The following HMGCLL1 variants were observed in gnomAD, a reference collection of about 807,000 sequenced individuals.
The protein encoded by HMGCLL1 is 3-hydroxy-3-methylglutaryl-CoA lyase like 1.
Under a neutral mutation model 39.1 loss-of-function variants are expected in HMGCLL1, and 36 were observed. The observed-to-expected ratio is 0.92, with a 90% confidence interval of 0.71 to 1.22. The LOEUF (loss-of-function observed/expected upper bound fraction) is 1.22, where lower values mean the gene tolerates loss of function less well. Ranked by LOEUF, HMGCLL1 falls within the 50% of genes most tolerant of loss-of-function variation. The pLI is 0.00. For synonymous variants in HMGCLL1, 149 were observed against 144.0 expected (o/e 1.03, Z -0.25); for missense variants, 451 against 416.5 (o/e 1.08, Z -0.72).
At chr6:55,553,364 G>A (rs189257516) in intron 1 of HMGCLL1, among the ~76,000 whole-genome samples, 17 of 151,872 alleles carry the variant, frequency 1.1e-4, no homozygotes, top group Admixed American at 2.6e-4. Flanking sequence ...CTTGAACCCA[G>A]GAGGCGGAGG....
At chr6:55,579,710 G>A (rs1771937683), upstream of HMGCLL1, among the ~76,000 whole-genome samples, 1 of 152,196 alleles carries the variant, frequency 6.6e-6, no homozygotes, top group Admixed American at 6.5e-5. Context: ...TGAGAGGTAA[G>A]CTGTAAGTTG....
At chr6:55,468,665 T>A (rs1395814129) in intron 7 of HMGCLL1, among the ~76,000 whole-genome samples, 4 of 151,910 alleles carry the variant, frequency 2.6e-5, no homozygotes, top group African/African-American at 9.7e-5. Flanking sequence ...ACTTTTGAAA[T>A]TCAAAATTTA....
In HMGCLL1 at chr6:55,514,058, G is replaced by T. The variant is rs762775214; in HGVS notation, c.532C>A (p.Pro178Thr). ...GGATTTCATAAGTACCCTCGTGCTG[G>T]AATATTCATGTGTCTTGCAGACTTA... ...VVKSARHMNI[P>T]ARGYVSCALG... Residue 178 changes from proline to threonine, a missense_variant, in exon 5 of 9, where the codon CCA becomes ACA. Pro to Thr is a conservative substitution (Grantham distance 38). Transcript: ENST00000274901. 19 of 1,611,160 alleles carry T rather than the reference G, an allele frequency of 1.2e-5. No individual in the cohort carries two copies. In the South Asian group the frequency reaches 1.9e-4, roughly 16 times the overall value.
chr6:55,463,021 TTTTC>T (rs1402802457), intron 7 of HMGCLL1, among the ~76,000 whole-genome samples: 1 of 130,160 alleles, frequency 7.7e-6, no homozygotes, highest in East Asian at 2.3e-4. Flanking sequence ...ATCTTTTCTT[TTTTC>T]TTTCTTTTTT....
chr6:55,629,667 A>C, the HMGCLL1 span, among the ~76,000 whole-genome samples: 1 of 152,144 alleles, frequency 6.6e-6, no homozygotes, highest in Admixed American at 6.6e-5. Flanking sequence ...TTCTTGGGCC[A>C]GGCCCAGGGT....
chr6:55,677,349 G>A, the HMGCLL1 span, among the ~76,000 whole-genome samples: 10 of 152,190 alleles, frequency 6.6e-5, no homozygotes, highest in Non-Finnish European at 1.5e-4. Flanking sequence ...TGGTGACAGA[G>A]CGAGACCCTA....
the HMGCLL1 span, among the ~76,000 whole-genome samples, chr6:55,668,104 C>T: frequency 6.6e-6 from 1 of 151,938 alleles, no homozygotes; most frequent in Non-Finnish European, 1.5e-5. Context: ...CTATGAGACA[C>T]TTTCATTTAG....
In HMGCLL1 at chr6:55,541,855, T is replaced by A. The variant is rs370090783; in HGVS notation, c.190-19A>T. 29 of 1,396,950 alleles carry A rather than the reference T, an allele frequency of 2.1e-5. No individual in the cohort carries two copies. The highest frequency in any genetic ancestry group is 2.9e-5 in the Non-Finnish European group (29 of 998,572). 86.5% of individuals were successfully genotyped at this position (1,396,950 alleles called of 1,614,324 possible). A position where few individuals can be genotyped will look rare whatever the true frequency, so the allele number is the denominator to read the frequency against. ...CTATAACCTATGAAAACAAAAAATA[T>A]TTTATAAGTAAATTGTATAGGTCCT... On this transcript the variant is annotated intron_variant, in intron 2 of 8. Coordinates refer to ENST00000274901, the MANE Select transcript of HMGCLL1 (RefSeq NM_001042406.2).
chr6:55,483,020 A>C (rs1170484794), intron 7 of HMGCLL1, among the ~76,000 whole-genome samples: 4 of 152,190 alleles, frequency 2.6e-5, no homozygotes, highest in African/African-American at 9.6e-5. Flanking sequence ...GATCCCAATC[A>C]GAAGAAATCT....
Position 55,501,831 on chromosome 6 carries a change from C to A in HMGCLL1, c.543-2532G>T, listed in dbSNP as rs1162073031. Among the ~76,000 whole-genome samples, 6 of 151,818 alleles carry A rather than the reference C, an allele frequency of 4.0e-5. No homozygotes were observed. In the South Asian group the frequency reaches 1.0e-3, roughly 26 times the overall value. ...CATCACCTGGATTGCTCTACTGATT[C>A]CCTTGTGTAAAAAGTTATATTACAT... On this transcript the variant is annotated intron_variant, in intron 5 of 8. Transcript: ENST00000274901.
At chr6:55,438,918 G>A (rs568382863) in intron 8 of HMGCLL1, among the ~76,000 whole-genome samples, 9 of 152,040 alleles carry the variant, frequency 5.9e-5, no homozygotes, top group South Asian at 4.2e-4. Flanking sequence ...TGACTTTTCC[G>A]GTACAACTTG....
intron 1 of HMGCLL1, chr6:55,577,269 T>TA: frequency 7.0e-7 from 1 of 1,421,240 alleles, no homozygotes; most frequent in Non-Finnish European, 9.5e-7. Flanking sequence ...GTATTGGAAC[T>TA]AAAACAGAAT....
the HMGCLL1 span, among the ~76,000 whole-genome samples, chr6:55,633,412 A>T: frequency 1.3e-5 from 2 of 151,604 alleles, no homozygotes; most frequent in Admixed American, 1.3e-4. Context: ...AGAGAATTTC[A>T]TATAGATAAA....
intron 7 of HMGCLL1, among the ~76,000 whole-genome samples, chr6:55,490,271 AC>A (rs1766243307): frequency 6.6e-6 from 1 of 152,082 alleles, no homozygotes; most frequent in Non-Finnish European, 1.5e-5. Context: ...CCCTGTGCCT[AC>A]CCTTTTATCC....
At chr6:55,631,911 C>A in the HMGCLL1 span, among the ~76,000 whole-genome samples, 1 of 152,090 alleles carries the variant, frequency 6.6e-6, no homozygotes, top group Admixed American at 6.6e-5. Flanking sequence ...AGGTAAAAGG[C>A]ACAGCACTTT....
At chr6:55,563,055 T>C (rs1771030397) in intron 1 of HMGCLL1, among the ~76,000 whole-genome samples, 1 of 152,086 alleles carries the variant, frequency 6.6e-6, no homozygotes, top group African/African-American at 2.4e-5. Flanking sequence ...CAAATATATT[T>C]GGATATGGAT....
intron 7 of HMGCLL1, among the ~76,000 whole-genome samples, chr6:55,445,832 C>T (rs1292479971): frequency 2.0e-5 from 3 of 152,032 alleles, no homozygotes; most frequent in Non-Finnish European, 4.4e-5. Flanking sequence ...GGCAATATAG[C>T]ACCAAAATCC....
At chr6:55,614,125 T>C in the HMGCLL1 span, among the ~76,000 whole-genome samples, 1 of 152,150 alleles carries the variant, frequency 6.6e-6, no homozygotes. Flanking sequence ...TGTGGAAATA[T>C]GCAGATGTCT....
At chr6:55,499,702 A>G (rs528356574) in intron 5 of HMGCLL1, among the ~76,000 whole-genome samples, 42 of 152,122 alleles carry the variant, frequency 2.8e-4, no homozygotes, top group African/African-American at 8.4e-4. Context: ...TAGTAAACTA[A>G]CTGAATTTTT....
Sources: allele counts gnomAD v4.1 joint callset (sites outside exome capture counted in the v4.1 genomes callset), GRCh38; gene constraint gnomAD v4.1.1; transcripts MANE v1.5; gene names NCBI Gene and HGNC (gene_info 2026-07-23, HGNC 2026-07-21).